The following SLC26A9 variants were observed in gnomAD, a reference collection of about 807,000 sequenced individuals.
SLC26A9 encodes anion transporter/exchanger protein 9.
A neutral mutation model predicts 87.1 loss-of-function variants in SLC26A9; 46 were observed. The ratio of observed to expected loss-of-function variants is 0.53; its 90% CI spans 0.42 to 0.67. SLC26A9 has a LOEUF of 0.67. Ranked by LOEUF, SLC26A9 falls within the 30% of genes least tolerant of loss-of-function variation. The pLI is 0.00. For synonymous variants in SLC26A9, 437 were observed against 409.1 expected (o/e 1.07, Z -0.82); for missense variants, 927 against 1,018.3 (o/e 0.91, Z 1.22).
In SLC26A9 at chr1:205,924,499, G is replaced by A. The variant is rs779788007; in HGVS notation, c.1390-10C>T. 4 of 1,613,692 alleles carry A rather than the reference G, an allele frequency of 2.5e-6. No individual in the cohort carries two copies. In the South Asian group the frequency reaches 3.3e-5, roughly 13 times the overall value. ...TCACTACCCAGATGCACTGTGAAAA[G>A]AGAGATGTCAAAAGCAGACCTGGGG... On this transcript the variant is annotated splice_polypyrimidine_tract_variant and intron_variant, in intron 12 of 20. Coordinates refer to ENST00000367135, the MANE Select transcript of SLC26A9 (RefSeq NM_052934.4).
Position 205,932,692 on chromosome 1 carries a change from G to T in SLC26A9, c.376+10C>A. 6.5e-7 allele frequency: 1 copy of T among 1,544,088 alleles called. No individual in the cohort carries two copies. Among genetic ancestry groups the T allele is most frequent in the South Asian group, 1.3e-5 (1 of 77,940 alleles). ...GGTCATCCTGCCTGCCCAGAGGGGA[G>T]AGGCCTTACCTGGCACCATCTGGTG... On this transcript the variant is annotated intron_variant, in intron 4 of 20. Transcript: ENST00000367135.
At chr1:205,918,458 G>T (rs1424303874) in intron 19 of SLC26A9, among the ~76,000 whole-genome samples, 4 of 152,034 alleles carry the variant, frequency 2.6e-5, no homozygotes, top group South Asian at 2.1e-4. Flanking sequence ...CTCCCTTCCC[G>T]AAAGCCCCCT....
intron 1 of SLC26A9, among the ~76,000 whole-genome samples, chr1:205,938,967 CAG>C (rs534450666): frequency 1.1e-3 from 164 of 152,330 alleles, no homozygotes; most frequent in South Asian, 8.1e-3. Flanking sequence ...GATGGAGCAC[CAG>C]ATACTAGGGA....
At chr1:205,939,191 A>T (rs1408677038) in intron 1 of SLC26A9, among the ~76,000 whole-genome samples, 1 of 152,208 alleles carries the variant, frequency 6.6e-6, no homozygotes. Flanking sequence ...GAACTTGAGG[A>T]CCACATTTGT....
intron 8 of SLC26A9, among the ~76,000 whole-genome samples, chr1:205,928,555 G>A (rs1403106972): frequency 1.3e-5 from 2 of 152,178 alleles, no homozygotes; most frequent in Admixed American, 1.3e-4. Context: ...GCCAGCAAGC[G>A]GCTGTTCAGA....
Position 205,914,684 on chromosome 1 carries a change from T to G in SLC26A9, c.*673A>C. On this transcript the variant is annotated 3_prime_UTR_variant, in exon 21 of 21. Transcript: ENST00000367135. ...GAGGTAGCTCTGGTGGTCTCGACGG[T>G]CCTGGCCACTGTCCAGGCTAGAGTC... 1 of 598,962 alleles carries G rather than the reference T, an allele frequency of 1.7e-6. No individual in the cohort carries two copies. Among genetic ancestry groups the G allele is most frequent in the East Asian group, 2.9e-5 (1 of 34,272 alleles). The allele number at this position is 598,962 out of a possible 1,614,324, so 37.1% of individuals were successfully genotyped here.
chr1:205,932,627 C>T (rs1400231139), intron 4 of SLC26A9, 75 bp downstream of exon 4: 1 of 1,256,238 alleles, frequency 8.0e-7, no homozygotes, highest in Non-Finnish European at 1.1e-6. Context: ...TGGAAAATCT[C>T]CCGAGGCCCC....
Position 205,929,987 on chromosome 1 carries a change from T to A in SLC26A9, c.622A>T (p.Met208Leu), listed in dbSNP as rs751175093. The A allele has an allele frequency of 1.7e-5, 27 of 1,613,894 alleles. No individual in the cohort carries two copies. The highest frequency in any genetic ancestry group is 2.3e-5 in the Non-Finnish European group (27 of 1,179,810). ...AGGATCTGCAGGCCGGCGGCCGTCA[T>A]GAAGCCCCGGATGAAGGACTCGGAG... ...YLSESFIRGF[M>L]TAAGLQILIS... The change falls in exon 6 of 21, where the codon ATG (methionine) becomes TTG (leucine). Residue 208 changes from methionine (M) to leucine (L), a missense_variant. Coordinates refer to ENST00000367135, the MANE Select transcript of SLC26A9 (RefSeq NM_052934.4).
At chr1:205,928,586 C>A (rs1659176465) in intron 8 of SLC26A9, among the ~76,000 whole-genome samples, 1 of 152,198 alleles carries the variant, frequency 6.6e-6, no homozygotes, top group South Asian at 2.1e-4. Flanking sequence ...TTAACAGCAT[C>A]AGTTGAATGA....
chr1:205,935,034 G>A (rs1214722076), intron 2 of SLC26A9: 1 of 152,316 alleles, frequency 6.6e-6, no homozygotes. Context: ...TCTGCCAGGA[G>A]TCTGGGAATG....
intron 16 of SLC26A9, 129 bp downstream of exon 16, chr1:205,922,953 T>C: frequency 1.3e-6 from 1 of 770,784 alleles, no homozygotes; most frequent in Non-Finnish European, 2.2e-6. Context: ...CCAGGCAGTG[T>C]TCCCAGAGAC....
chr1:205,937,295 C>T (rs1178733723), intron 1 of SLC26A9, among the ~76,000 whole-genome samples: 2 of 152,108 alleles, frequency 1.3e-5, no homozygotes, highest in Non-Finnish European at 2.9e-5. Flanking sequence ...TGTGCCCAGC[C>T]CCTCGCCTGG....
At position 205,930,047 on chromosome 1, in the gene SLC26A9, C is replaced by T; in HGVS notation, c.562G>A (p.Gly188Ser). The T allele has an allele frequency of 1.2e-6, 2 of 1,601,228 alleles. No homozygotes were observed. The highest frequency in any genetic ancestry group is 1.7e-6 in the Non-Finnish European group (2 of 1,169,558). ...CLTAIIQMGL[G>S]FMQFGFVAIY... ...GCCACAAAGCCAAACTGCATGAAGC[C>T]CAGACCCATCTGAGAGGAGGAAAAG... Residue 188 changes from glycine to serine, a missense_variant, in exon 6 of 21, where the codon GGC becomes AGC. Gly to Ser is a moderately conservative substitution (Grantham distance 56). Transcript: ENST00000367135.
chr1:205,928,036 C>G lies in SLC26A9; in HGVS notation c.967G>C (p.Val323Leu). The change falls in exon 9 of 21, where the codon GTG (valine) becomes CTG (leucine). Residue 323 changes from valine to leucine, a missense_variant. Physicochemically the swap from Val to Leu is conservative, Grantham distance 32 (BLOSUM62 1). Transcript: ENST00000367135. ...GEIQRGFPTPVSPVVSQWKDM... is the reference protein window; with the variant it reads ...GEIQRGFPTPLSPVVSQWKDM... ...TTCCACTGTGAGACCACAGGCGACA[C>G]CGGGGTGGGGAACCTGCCGAGGAGC... is the stretch of plus-strand genomic sequence containing the variant. 1 of 1,613,906 alleles carries G rather than the reference C, an allele frequency of 6.2e-7. No individual in the cohort carries two copies. The highest frequency in any genetic ancestry group is 2.2e-5 in the East Asian group (1 of 44,888).
intron 1 of SLC26A9, among the ~76,000 whole-genome samples, chr1:205,939,316 C>T (rs992964446): frequency 6.6e-6 from 1 of 152,198 alleles, no homozygotes; most frequent in Non-Finnish European, 1.5e-5. Context: ...AATGTTTTCC[C>T]CTGAGTGGCA....
At chr1:205,932,367 T>C (rs1338691162) in intron 4 of SLC26A9, among the ~76,000 whole-genome samples, 10 of 152,342 alleles carry the variant, frequency 6.6e-5, no homozygotes, top group East Asian at 3.9e-4. Flanking sequence ...AATGTCCCTG[T>C]AGTGGCCGGC....
Position 205,927,943 on chromosome 1 carries a change from T to G in SLC26A9, c.1060A>C (p.Thr354Pro). 6.2e-7 allele frequency: 1 copy of G among 1,614,172 alleles called. No homozygotes were observed. The highest frequency in any genetic ancestry group is 8.5e-7 in the Non-Finnish European group (1 of 1,180,016). The change falls in exon 9 of 21, where the codon ACC becomes CCC. Residue 354 changes from threonine (T) to proline (P), a missense_variant. Coordinates refer to ENST00000367135, the MANE Select transcript of SLC26A9 (RefSeq NM_052934.4). The stretch of plus-strand genomic sequence containing the variant: ...TCGTAGCCGTGCTTGTTGGCCAGGG[T>G]CCGGCCCATAGCCAGGTTGATGACG... ...SYVINLAMGR[T>P]LANKHGYDVD...
intron 6 of SLC26A9, among the ~76,000 whole-genome samples, 176 bp from the exon 7 acceptor site, chr1:205,929,532 C>G (rs1362783905): frequency 6.6e-6 from 1 of 152,168 alleles, no homozygotes; most frequent in Non-Finnish European, 1.5e-5. Context: ...TCCCAAAAGG[C>G]ACATGGGGAA....
Position 205,928,559 on chromosome 1 carries a change from G to C in SLC26A9, c.953+268C>G, listed in dbSNP as rs1241808785. On this transcript the variant is annotated intron_variant, in intron 8 of 20. Transcript: ENST00000367135. Reference sequence around the variant, plus strand: ...CAAGGCAAAGAGCCAGCAAGCGGCTGTTCAGAGAGGCTTTGTTTAACAGCA... The same window carrying C: ...CAAGGCAAAGAGCCAGCAAGCGGCTCTTCAGAGAGGCTTTGTTTAACAGCA... Among the ~76,000 whole-genome samples the C allele has an allele frequency of 5.9e-5, 9 of 152,338 alleles. No individual in the cohort carries two copies. The East Asian group carries it at 1.7e-3, about 29-fold the overall frequency.
Sources: gnomAD v4.1 joint callset for allele counts (sites outside exome capture counted in the v4.1 genomes callset) on GRCh38, gnomAD v4.1.1 for gene constraint, MANE v1.5 for transcripts, NCBI Gene and HGNC (gene_info 2026-07-23, HGNC 2026-07-21) for gene names.